The following DTL variants were observed in gnomAD, a reference collection of about 807,000 sequenced individuals.
DTL encodes the protein denticleless E3 ubiquitin protein ligase adapter, also known as denticleless protein homolog.
A neutral mutation model predicts 87.0 loss-of-function variants in DTL; 46 were observed. The observed-to-expected ratio is 0.53, with a 90% CI of 0.42 to 0.68. DTL has a LOEUF of 0.68. DTL is among the 30% of genes least tolerant of loss of function. The pLI is 0.00. For synonymous variants in DTL, 308 were observed against 311.2 expected (o/e 0.99, Z 0.11); for missense variants, 737 against 869.4 (o/e 0.85, Z 1.91).
chr1:212,101,920 T>C (rs1655635962), intron 14 of DTL, among the ~76,000 whole-genome samples: 1 of 152,178 alleles, frequency 6.6e-6, no homozygotes, highest in African/African-American at 2.4e-5. Flanking sequence ...GCTTCTGTTG[T>C]TTGCATGTGA....
At chr1:212,086,087 T>C (rs1655121495) in intron 13 of DTL, among the ~76,000 whole-genome samples, 1 of 152,224 alleles carries the variant, frequency 6.6e-6, no homozygotes, top group African/African-American at 2.4e-5. Context: ...CAAGATTGTC[T>C]CGACTGTTCT....
At position 212,044,758 on chromosome 1, in the gene DTL, G is replaced by A; in HGVS notation, c.277G>A (p.Glu93Lys). 6.3e-7 allele frequency: 1 copy of A among 1,589,640 alleles called. No individual in the cohort carries two copies. Among genetic ancestry groups the A allele is most frequent in the South Asian group, 1.1e-5 (1 of 89,024 alleles). ...SQSFRKKCFK[E>K]WMAHWNAVFD... ...AAGTTTCAGAAAGAAGTGCTTCAAA[G>A]GTAAGTCTAGGTCTACAATTTTTGT... The change falls in exon 3 of 15, where the codon GAA becomes AAA. Residue 93 changes from glutamate to lysine, a missense_variant and splice_region_variant. Coordinates refer to ENST00000366991, the MANE Select transcript of DTL (RefSeq NM_016448.4).
intron 12 of DTL, among the ~76,000 whole-genome samples, chr1:212,078,708 G>A (rs1402922079): frequency 6.6e-6 from 1 of 152,022 alleles, no homozygotes; most frequent in Admixed American, 6.6e-5. Flanking sequence ...AACATGTTAG[G>A]TTATCTATTG....
chr1:212,091,317 G>A (rs1190170518), intron 13 of DTL, among the ~76,000 whole-genome samples: 3 of 152,168 alleles, frequency 2.0e-5, no homozygotes, highest in Non-Finnish European at 4.4e-5. Context: ...TATTGGTAAG[G>A]ATGTGGAGAA....
chr1:212,100,438 G>T lies in DTL; in HGVS notation c.1448G>T (p.Arg483Ile), dbSNP rs772711421. The stretch of plus-strand genomic sequence containing the variant: ...AAGGCCCGGTCTCCCATCAACAGAA[G>T]AGGCTCTGTCTCCTCCGTCTCTCCC... ...PAKARSPINR[R>I]GSVSSVSPKP... The change falls in exon 14 of 15, where the codon AGA becomes ATA. Residue 483 changes from arginine (R) to isoleucine (I), a missense_variant. Coordinates refer to ENST00000366991, the MANE Select transcript of DTL (RefSeq NM_016448.4). 1 of 1,613,946 alleles carries T rather than the reference G, an allele frequency of 6.2e-7. No homozygotes were observed. The highest frequency in any genetic ancestry group is 8.5e-7 in the Non-Finnish European group (1 of 1,179,996).
chr1:212,067,016 A>G, intron 8 of DTL, 131 bp downstream of exon 8: 1 of 719,778 alleles, frequency 1.4e-6, no homozygotes, highest in Non-Finnish European at 2.3e-6. Context: ...CCAACTGAGG[A>G]AAGGAGCTAT....
intron 13 of DTL, among the ~76,000 whole-genome samples, chr1:212,092,900 C>G (rs965111866): frequency 2.6e-5 from 4 of 152,108 alleles, no homozygotes; most frequent in Non-Finnish European, 5.9e-5. Context: ...TAAAAGTGTT[C>G]CCTTTCCACC....
chr1:212,083,069 C>T (rs775194127), intron 13 of DTL, among the ~76,000 whole-genome samples: 11 of 152,160 alleles, frequency 7.2e-5, no homozygotes, highest in Non-Finnish European at 1.2e-4. Context: ...CATTTTCACA[C>T]TGCTGATAAA....
chr1:212,040,658 A>G (rs1027372645), intron 1 of DTL, among the ~76,000 whole-genome samples: 1 of 152,212 alleles, frequency 6.6e-6, no homozygotes, highest in African/African-American at 2.4e-5. Flanking sequence ...TTAGGCTACT[A>G]CTTCCAACTA....
At chr1:212,075,797 T>G (rs572681713) in intron 11 of DTL, among the ~76,000 whole-genome samples, 3 of 152,292 alleles carry the variant, frequency 2.0e-5, no homozygotes, top group East Asian at 3.9e-4. Flanking sequence ...ATCACAGTGT[T>G]GTACCAACAT....
At chr1:212,074,886 A>C (rs1208147445) in intron 11 of DTL, among the ~76,000 whole-genome samples, 1 of 152,192 alleles carries the variant, frequency 6.6e-6, no homozygotes, top group African/African-American at 2.4e-5. Flanking sequence ...GCAAAGAGGA[A>C]ATATAATATA....
chr1:212,060,416 C>G (rs1668308537), intron 5 of DTL, among the ~76,000 whole-genome samples: 1 of 152,078 alleles, frequency 6.6e-6, no homozygotes, highest in Non-Finnish European at 1.5e-5. Flanking sequence ...AAGAATGAAA[C>G]TGTACCTCTA....
At chr1:212,072,760 C>CTTTTTTT (rs368207666) in intron 11 of DTL, among the ~76,000 whole-genome samples, 9 of 124,764 alleles carry the variant, frequency 7.2e-5, no homozygotes, top group Non-Finnish European at 1.2e-4. Context: ...ATTTACTAAT[C>CTTTTTTT]TTTTTTTTTT....
intron 5 of DTL, among the ~76,000 whole-genome samples, chr1:212,060,456 G>A (rs144294289): frequency 6.6e-6 from 1 of 152,176 alleles, no homozygotes; most frequent in East Asian, 1.9e-4. Context: ...ATCAAGATAG[G>A]CCAGACATGG....
chr1:212,094,967 T>G (rs908640477), intron 13 of DTL, among the ~76,000 whole-genome samples: 1 of 152,216 alleles, frequency 6.6e-6, no homozygotes, highest in Admixed American at 6.5e-5. Flanking sequence ...CAGAATTCAT[T>G]TATCAGATCT....
intron 13 of DTL, among the ~76,000 whole-genome samples, chr1:212,086,206 T>A (rs2102573076): frequency 7.1e-6 from 1 of 140,678 alleles, no homozygotes; most frequent in Admixed American, 7.0e-5. Context: ...ATGGAAGTAT[T>A]GACATCGTAA....
At chr1:212,040,347 A>G (rs1340991119) in intron 1 of DTL, among the ~76,000 whole-genome samples, 1 of 152,238 alleles carries the variant, frequency 6.6e-6, no homozygotes, top group Non-Finnish European at 1.5e-5. Context: ...TGAGTACAGT[A>G]GTACCTCCTT....
At chr1:212,069,452 C>T (rs1474040496) in intron 10 of DTL, among the ~76,000 whole-genome samples, 2 of 152,106 alleles carry the variant, frequency 1.3e-5, no homozygotes, top group African/African-American at 2.4e-5. Flanking sequence ...CAGAGTTACC[C>T]AGTTTCCACT....
intron 1 of DTL, among the ~76,000 whole-genome samples, chr1:212,039,939 A>G (rs899391012): frequency 1.3e-5 from 2 of 152,226 alleles, no homozygotes; most frequent in African/African-American, 4.8e-5. Flanking sequence ...GACCTGGGAC[A>G]TTATACTACT....
Sources: allele counts gnomAD v4.1 joint callset (sites outside exome capture counted in the v4.1 genomes callset), GRCh38; gene constraint gnomAD v4.1.1; transcripts MANE v1.5; gene names NCBI Gene and HGNC (gene_info 2026-07-23, HGNC 2026-07-21).